LPP: variants seen among roughly 807,000 people sequenced by gnomAD.
LPP encodes LIM domain containing preferred translocation partner in lipoma.
A neutral mutation model predicts 60.4 loss-of-function variants in LPP; 38 were observed. The ratio of observed to expected loss-of-function variants is 0.63; its 90% CI spans 0.49 to 0.83. The LOEUF (loss-of-function observed/expected upper bound fraction) is 0.83. Among genes scored for constraint, LPP ranks in the 40% least tolerant of loss-of-function variants. LPP has a pLI of 0.00. For missense variants in LPP, 902 were observed against 783.6 expected (o/e 1.15, Z -1.80); for synonymous variants, 328 against 290.8 (o/e 1.13, Z -1.30).
intron 9 of LPP, among the ~76,000 whole-genome samples, chr3:188,807,962 T>A (rs1749683052): frequency 6.6e-6 from 1 of 152,228 alleles, no homozygotes; most frequent in Admixed American, 6.5e-5. Context: ...ATAATAAAGA[T>A]AGGCTAATAT....
rs1770847771 is a variant in LPP, at chr3:188,887,764, A to G, written c.*13285A>G. On this transcript the variant is annotated 3_prime_UTR_variant, in exon 12 of 12. Transcript: ENST00000617246. Reference sequence around the variant, plus strand: ...ATGAAAGACATTTAGGACCCTAGAAACTAAATCTTGTCACCAAGACTTTAT... The same window carrying G: ...ATGAAAGACATTTAGGACCCTAGAAGCTAAATCTTGTCACCAAGACTTTAT... 4.8e-6 allele frequency: 1 copy of G among 209,566 alleles called. No individual in the cohort carries two copies. The highest frequency in any genetic ancestry group is 9.7e-6 in the Non-Finnish European group (1 of 103,110). 13.0% of individuals were successfully genotyped at this position (209,566 alleles called of 1,614,324 possible).
chr3:188,245,172 A>G (rs4376035), intron 2 of LPP, among the ~76,000 whole-genome samples: 91,728 of 151,432 alleles, frequency 0.61, 28,113 homozygotes, highest in Middle Eastern at 0.69. Flanking sequence ...GAGTGCAGTG[A>G]CACAATCTTG....
chr3:188,767,231 T>A (rs1734439621), intron 9 of LPP, among the ~76,000 whole-genome samples: 1 of 152,078 alleles, frequency 6.6e-6, no homozygotes, highest in Non-Finnish European at 1.5e-5. Flanking sequence ...AATAAGATAA[T>A]ATTAATTACC....
Position 188,200,527 on chromosome 3 carries a change from C to T in LPP, c.-189-24878C>T, listed in dbSNP as rs1730808834. Reference sequence around the variant, plus strand: ...GAAGCCACTGCTGAGGCCTCAGAAACTTTTCTCAACATCTTAATAGTTAGT... The same window carrying T: ...GAAGCCACTGCTGAGGCCTCAGAAATTTTTCTCAACATCTTAATAGTTAGT... On this transcript the variant is annotated intron_variant, in intron 1 of 11. Coordinates refer to ENST00000617246, the MANE Select transcript of LPP (RefSeq NM_001375462.1). Among the ~76,000 whole-genome samples, 3 of 152,274 alleles carry T rather than the reference C, an allele frequency of 2.0e-5. No homozygotes were observed. The South Asian group carries it at 6.2e-4, about 32-fold the overall frequency.
At chr3:188,548,277 C>T (rs766459692) in intron 6 of LPP, among the ~76,000 whole-genome samples, 1 of 152,192 alleles carries the variant, frequency 6.6e-6, no homozygotes, top group African/African-American at 2.4e-5. Flanking sequence ...GGTTTCCATT[C>T]ATAAACTAGG....
intron 4 of LPP, among the ~76,000 whole-genome samples, chr3:188,456,696 G>A (rs1016818290): frequency 6.6e-6 from 1 of 152,228 alleles, no homozygotes; most frequent in African/African-American, 2.4e-5. Flanking sequence ...AAGAGTGTGA[G>A]CACCTCGAGC....
chr3:188,379,613 C>G (rs1412952836), intron 3 of LPP, among the ~76,000 whole-genome samples: 3 of 152,172 alleles, frequency 2.0e-5, no homozygotes, highest in African/African-American at 7.2e-5. Context: ...CACGAATCTA[C>G]TTTATAATCT....
intron 4 of LPP, among the ~76,000 whole-genome samples, chr3:188,451,951 G>T (rs1796684818): frequency 6.6e-6 from 1 of 152,172 alleles, no homozygotes; most frequent in Admixed American, 6.5e-5. Flanking sequence ...AGAACACTAG[G>T]AGATGTTTGA....
chr3:188,234,236 G>T (rs112562549), intron 2 of LPP, among the ~76,000 whole-genome samples: 1 of 152,100 alleles, frequency 6.6e-6, no homozygotes, highest in Non-Finnish European at 1.5e-5. Context: ...GATAGTTCCC[G>T]GTCTGCTCCT....
chr3:188,203,332 T>C (rs1731651827), intron 1 of LPP, among the ~76,000 whole-genome samples: 1 of 109,670 alleles, frequency 9.1e-6, no homozygotes, highest in Non-Finnish European at 1.6e-5. Context: ...TATTTTATAT[T>C]TACATATATA....
intron 9 of LPP, among the ~76,000 whole-genome samples, chr3:188,796,268 T>G (rs1228819052): frequency 6.6e-6 from 1 of 152,104 alleles, no homozygotes; most frequent in Non-Finnish European, 1.5e-5. Flanking sequence ...GCACGCTGAT[T>G]TGAGGAACTG....
At chr3:188,404,615 T>C (rs1405155261) in intron 3 of LPP, among the ~76,000 whole-genome samples, 1 of 152,128 alleles carries the variant, frequency 6.6e-6, no homozygotes, top group Non-Finnish European at 1.5e-5. Flanking sequence ...CACTTGTTGG[T>C]GGTGTGGACT....
chr3:188,340,943 A>C (rs1762898386), intron 2 of LPP, among the ~76,000 whole-genome samples: 1 of 152,198 alleles, frequency 6.6e-6, no homozygotes. Context: ...AATAATGGAG[A>C]GAAATCTTAT....
At position 188,203,646 on chromosome 3, in the gene LPP, A is replaced by AT. The variant is rs1732322997; in HGVS notation, c.-189-21753dup. On this transcript the variant is annotated intron_variant, in intron 1 of 11. Coordinates refer to ENST00000617246, the MANE Select transcript of LPP (RefSeq NM_001375462.1). ...ATATACATATCAAATATGTATATAT[A>AT]TTTTTTCTCTTTTTTGTAGAGAGAA... 3.2e-5 allele frequency among the ~76,000 whole-genome samples: 4 copies of AT among 124,994 alleles called. No homozygotes were observed. In the South Asian group the frequency reaches 7.8e-4, roughly 24 times the overall value. The allele number at this position is 124,994 out of a possible 152,430, so 82.0% of individuals were successfully genotyped here. A position where few individuals can be genotyped will look rare whatever the true frequency, so the allele number is the denominator to read the frequency against.
chr3:188,634,690 A>T (rs1351071130), intron 7 of LPP, among the ~76,000 whole-genome samples: 1 of 152,210 alleles, frequency 6.6e-6, no homozygotes, highest in Non-Finnish European at 1.5e-5. Flanking sequence ...TCCTTATGAG[A>T]ATCTAATGCC....
intron 4 of LPP, among the ~76,000 whole-genome samples, chr3:188,445,978 C>T (rs941969881): frequency 3.3e-5 from 5 of 151,950 alleles, no homozygotes; most frequent in East Asian, 1.9e-4. Context: ...TTGTTTCTTC[C>T]GTATGCCATT....
chr3:188,637,148 A>G (rs1190058405), intron 7 of LPP, among the ~76,000 whole-genome samples: 1 of 151,602 alleles, frequency 6.6e-6, no homozygotes. Context: ...AAGAACAGAA[A>G]TTATAACAAA....
intron 1 of LPP, among the ~76,000 whole-genome samples, chr3:188,203,805 G>T (rs1055722863): frequency 2.0e-5 from 3 of 150,846 alleles, no homozygotes; most frequent in Admixed American, 6.7e-5. Context: ...CACCCACTTT[G>T]GGGGAAGAGA....
At chr3:188,567,792 C>T (rs1288404450) in intron 6 of LPP, among the ~76,000 whole-genome samples, 2 of 151,966 alleles carry the variant, frequency 1.3e-5, no homozygotes, top group African/African-American at 2.4e-5. Context: ...TCTTCTCATG[C>T]ATATCAACAC....
Sources: gnomAD v4.1 joint callset for allele counts (sites outside exome capture counted in the v4.1 genomes callset) on GRCh38, gnomAD v4.1.1 for gene constraint, MANE v1.5 for transcripts, NCBI Gene and HGNC (gene_info 2026-07-23, HGNC 2026-07-21) for gene names.